Variants in DPYSL2 observed in about 807,000 individuals in gnomAD.
DPYSL2 encodes the protein dihydropyrimidinase-related protein 2.
A neutral mutation model predicts 69.9 loss-of-function variants in DPYSL2; 13 were observed. The observed-to-expected ratio is 0.19, with a 90% CI of 0.12 to 0.30. DPYSL2 has a LOEUF of 0.30. Ranked by LOEUF, DPYSL2 falls within the 10% of genes least tolerant of loss-of-function variation. DPYSL2 has a pLI of 1.00. For missense variants in DPYSL2, 587 were observed against 918.9 expected (o/e 0.64, Z 4.67); for synonymous variants, 326 against 359.1 (o/e 0.91, Z 1.04).
At chr8:26,534,697 A>G (rs548218000) in intron 1 of DPYSL2, among the ~76,000 whole-genome samples, 1 of 152,108 alleles carries the variant, frequency 6.6e-6, no homozygotes, top group East Asian at 1.9e-4. Flanking sequence ...CAGTGGCACA[A>G]TCATAGCTCA....
At position 26,583,956 on chromosome 8, in the gene DPYSL2, G is replaced by A; in HGVS notation, c.601G>A (p.Ala201Thr). ...TGATTTCTTCCAAGGAACCAAGGCG[G>A]CCCTGGCTGGGGGAACCACTATGAT... ...ADDFFQGTKAALAGGTTMIID... is the reference protein window; with the variant it reads ...ADDFFQGTKATLAGGTTMIID... The change falls in exon 3 of 14, where the codon GCC (alanine) becomes ACC (threonine). Residue 201 changes from alanine (A) to threonine (T), a missense_variant. Physicochemically the swap from Ala to Thr is moderately conservative, Grantham distance 58. Around this residue, in one of 3 missense-constraint regions of DPYSL2, gnomAD observed 452 missense variants for 754.3 expected, o/e 0.60. Transcript: ENST00000521913. 5 of 1,614,068 alleles carry A rather than the reference G, an allele frequency of 3.1e-6. No individual in the cohort carries two copies. Among genetic ancestry groups the A allele is most frequent in the Non-Finnish European group, 4.2e-6 (5 of 1,179,980 alleles).
chr8:26,545,727 A>G (rs1800756406), intron 1 of DPYSL2, among the ~76,000 whole-genome samples: 1 of 152,064 alleles, frequency 6.6e-6, no homozygotes, highest in Non-Finnish European at 1.5e-5. Context: ...AGATTATGCC[A>G]CTGCACTCCA....
intron 3 of DPYSL2, among the ~76,000 whole-genome samples, chr8:26,599,650 C>T (rs1285295488): frequency 6.7e-6 from 1 of 149,696 alleles, no homozygotes; most frequent in Non-Finnish European, 1.5e-5. Flanking sequence ...CATGAGTATA[C>T]TGACTCTAAA....
rs531493775 is a variant in DPYSL2 at position 26,578,017 on chromosome 8, CTT to C, written c.355-3945_355-3944del. On this transcript the variant is annotated intron_variant, in intron 1 of 13. Transcript: ENST00000521913. ...CTTCTCTCTCTCTCTCTCTCTCTCT[CTT>C]TTTTTTCCGCCCTAGCTGGGGCTGT... The C allele has an allele frequency of 5.7e-3, 5,556 of 976,110 alleles. 118 individuals carry two copies. In the African/African-American group the frequency reaches 0.087, roughly 15 times the overall value. The allele number at this position is 976,110 out of a possible 1,614,324, so 60.5% of individuals were successfully genotyped here.
At chr8:26,603,073 A>G (rs1270643887) in intron 3 of DPYSL2, among the ~76,000 whole-genome samples, 1 of 152,216 alleles carries the variant, frequency 6.6e-6, no homozygotes, top group Non-Finnish European at 1.5e-5. Flanking sequence ...GGATTTGACC[A>G]TAGGATGTTT....
At chr8:26,577,072 G>A in intron 1 of DPYSL2, 1 of 430,248 alleles carries the variant, frequency 2.3e-6, no homozygotes, top group Non-Finnish European at 4.7e-6. Flanking sequence ...ACAAAAGGAT[G>A]TTTCAGGGCG....
At chr8:26,529,327 A>G (rs996655095) in intron 1 of DPYSL2, among the ~76,000 whole-genome samples, 2 of 151,480 alleles carry the variant, frequency 1.3e-5, no homozygotes, top group African/African-American at 2.4e-5. Context: ...TCTATCATCT[A>G]TCTATCTATA....
intron 1 of DPYSL2, chr8:26,548,336 T>C: frequency 4.1e-6 from 1 of 242,306 alleles, no homozygotes; most frequent in Non-Finnish European, 8.2e-6. Flanking sequence ...CTGAGCTTTA[T>C]CATAATTTCA....
In DPYSL2 at chr8:26,597,455, G is replaced by A. The variant is rs1330555336; in HGVS notation, c.628+13472G>A. Among the ~76,000 whole-genome samples the A allele has an allele frequency of 2.6e-5, 4 of 152,004 alleles. No homozygotes were observed. Among genetic ancestry groups the A allele is most frequent in the Non-Finnish European group, 4.4e-5 (3 of 67,998 alleles). On this transcript the variant is annotated intron_variant, in intron 3 of 13. Coordinates refer to ENST00000521913, the MANE Select transcript of DPYSL2 (RefSeq NM_001197293.3). The surrounding 1 kb of genome is among the most constrained non-coding windows in gnomAD (Gnocchi z 5.2). ...CCCATGTCTGCTTGGGAAACACCAC[G>A]GGCAGATGGCATTTTTCTTTTCTTT...
rs56376341 is a variant in DPYSL2 at position 26,540,904 on chromosome 8, CA to C, written c.354+26241del. ...TTGGTGACAGAGTGAGACTCTGTCT[CA>C]AAAAAAAAAAAAAAAGGAAATATAT... On this transcript the variant is annotated intron_variant, in intron 1 of 13. Transcript: ENST00000521913. Among the ~76,000 whole-genome samples the C allele has an allele frequency of 4.8e-3, 496 of 102,674 alleles. 2 individuals carry two copies. The highest frequency in any genetic ancestry group is 9.0e-3 in the Middle Eastern group (2 of 222). 67.4% of individuals were successfully genotyped at this position (102,674 alleles called of 152,430 possible).
chr8:26,608,957 C>T lies in DPYSL2; in HGVS notation c.629-15186C>T, dbSNP rs868152643. On this transcript the variant is annotated intron_variant, in intron 3 of 13. Coordinates refer to ENST00000521913, the MANE Select transcript of DPYSL2 (RefSeq NM_001197293.3). ...CCTTGGAATAAACAGAATAGAGACCCGACTCCTCACTCATTGTGTTTCTGA... is the reference window on the plus strand; with the variant it reads ...CCTTGGAATAAACAGAATAGAGACCTGACTCCTCACTCATTGTGTTTCTGA... Among the ~76,000 whole-genome samples, 15 of 152,152 alleles carry T rather than the reference C, an allele frequency of 9.9e-5. 1 individual carries two copies. The highest frequency in any genetic ancestry group is 2.4e-5 in the African/African-American group (1 of 41,434).
chr8:26,626,756 C>T lies in DPYSL2; in HGVS notation c.855+78C>T. The T allele has an allele frequency of 7.0e-7, 1 of 1,423,990 alleles. No homozygotes were observed. Among genetic ancestry groups the T allele is most frequent in the South Asian group, 1.2e-5 (1 of 85,046 alleles). 88.2% of individuals were successfully genotyped at this position (1,423,990 alleles called of 1,614,324 possible). On this transcript the variant is annotated intron_variant, in intron 5 of 13. Coordinates refer to ENST00000521913, the MANE Select transcript of DPYSL2 (RefSeq NM_001197293.3). The surrounding 1 kb of genome is among the most constrained non-coding windows in gnomAD (Gnocchi z 4.3). ...CTGTGGCCGTTTGGGAAAGCAGTCT[C>T]CGATGTATGCATGTTTCCTAGCTTC...
At chr8:26,549,756 G>A (rs1800842521) in intron 1 of DPYSL2, among the ~76,000 whole-genome samples, 1 of 152,186 alleles carries the variant, frequency 6.6e-6, no homozygotes, top group Admixed American at 6.5e-5. Flanking sequence ...AGAAGAGAGT[G>A]AAGTGAAAGA....
chr8:26,539,924 C>G (rs1179509044), intron 1 of DPYSL2, among the ~76,000 whole-genome samples: 1 of 152,112 alleles, frequency 6.6e-6, no homozygotes, highest in African/African-American at 2.4e-5. Flanking sequence ...GCATAGACAC[C>G]AACACCAACA....
Position 26,546,942 on chromosome 8 carries a change from A to G in DPYSL2, c.354+32263A>G, listed in dbSNP as rs1364030142. Among the ~76,000 whole-genome samples, 53 of 143,124 alleles carry G rather than the reference A, an allele frequency of 3.7e-4. 1 individual carries two copies. The highest frequency in any genetic ancestry group is 3.9e-4 in the East Asian group (2 of 5,124). The allele number at this position is 143,124 out of a possible 152,430, so 93.9% of individuals were successfully genotyped here. ...GTCTCAAAAAAAAAAAAAAAAAAAA[A>G]AAAAAAAAAGAAAAGAAAAATCCTG... On this transcript the variant is annotated intron_variant, in intron 1 of 13. Coordinates refer to ENST00000521913, the MANE Select transcript of DPYSL2 (RefSeq NM_001197293.3).
chr8:26,633,881 G>A (rs574962797), intron 7 of DPYSL2, among the ~76,000 whole-genome samples: 26 of 152,220 alleles, frequency 1.7e-4, no homozygotes, highest in Non-Finnish European at 3.7e-4. Context: ...TCACACACAG[G>A]GGGCCATTGG....
chr8:26,583,016 A>G (rs1189472453), intron 2 of DPYSL2, among the ~76,000 whole-genome samples: 4 of 152,204 alleles, frequency 2.6e-5, no homozygotes, highest in South Asian at 4.1e-4. Flanking sequence ...TTTTCCCCCA[A>G]TTATAAGATG....
chr8:26,584,696 T>C (rs942781106), intron 3 of DPYSL2, among the ~76,000 whole-genome samples: 3 of 147,316 alleles, frequency 2.0e-5, no homozygotes, highest in African/African-American at 7.6e-5. Flanking sequence ...CTGGGCTCAC[T>C]GCAACCTCTG....
rs1436912755 is a variant in DPYSL2, at chr8:26,514,801, C to G, written c.354+122C>G. On this transcript the variant is annotated intron_variant, in intron 1 of 13. Transcript: ENST00000521913. This position sits in a 1 kb window ranked among gnomAD's most constrained non-coding sequence, Gnocchi z 8.4. Reference sequence around the variant, plus strand: ...CTGGACCTCGCCTCCCGCATCTGCACGCGCACCCCGCCCTACCCGCCCCTT... The same window carrying G: ...CTGGACCTCGCCTCCCGCATCTGCAGGCGCACCCCGCCCTACCCGCCCCTT... 4.5e-6 allele frequency: 4 copies of G among 890,490 alleles called. No homozygotes were observed. The East Asian group carries it at 1.0e-4, about 22-fold the overall frequency. 55.2% of individuals were successfully genotyped at this position (890,490 alleles called of 1,614,324 possible).
Sources: gnomAD v4.1 joint callset for allele counts (sites outside exome capture counted in the v4.1 genomes callset) on GRCh38, gnomAD v4.1.1 for gene constraint, gnomAD v4.1.1 regional missense constraint, Gnocchi (gnomAD v3.1) non-coding constraint, MANE v1.5 for transcripts, NCBI Gene and HGNC (gene_info 2026-07-23, HGNC 2026-07-21) for gene names.